Variants in NLGN1 observed in about 807,000 individuals in gnomAD.
The protein encoded by NLGN1 is neuroligin-1.
NLGN1 carries 12 observed loss-of-function variants against 65.5 expected under a neutral mutation model. That is an observed-to-expected ratio of 0.18 (90% CI 0.12 to 0.30). The LOEUF (loss-of-function observed/expected upper bound fraction) is 0.30. NLGN1 is among the 10% of genes least tolerant of loss of function. NLGN1 has a pLI of 1.00. For synonymous variants in NLGN1, 350 were observed against 359.5 expected (o/e 0.97, Z 0.30); for missense variants, 750 against 1,007.1 (o/e 0.74, Z 3.46).
chr3:173,503,088 G>C (rs1186923344), intron 2 of NLGN1, among the ~76,000 whole-genome samples: 1 of 151,912 alleles, frequency 6.6e-6, no homozygotes, highest in Admixed American at 6.6e-5. Context: ...CATGTTGTGT[G>C]TGTGTGTGTG....
chr3:173,532,365 G>A (rs1190513479), intron 2 of NLGN1, among the ~76,000 whole-genome samples: 3 of 152,190 alleles, frequency 2.0e-5, no homozygotes, highest in South Asian at 2.1e-4. Context: ...GATTGGAAAT[G>A]TAAAGGATAA....
intron 4 of NLGN1, among the ~76,000 whole-genome samples, chr3:174,053,286 T>G (rs1735319228): frequency 6.6e-6 from 1 of 151,922 alleles, no homozygotes; most frequent in Admixed American, 6.6e-5. Flanking sequence ...CTCAGGACTG[T>G]TATGATAATT....
intron 2 of NLGN1, among the ~76,000 whole-genome samples, chr3:173,602,871 A>T (rs1750768533): frequency 6.6e-6 from 1 of 152,094 alleles, no homozygotes; most frequent in South Asian, 2.1e-4. Context: ...GATAAATGCT[A>T]GAGTTCTGGA....
chr3:174,268,439 G>A lies in NLGN1; in HGVS notation c.647-6876G>A, dbSNP rs575130729. Among the ~76,000 whole-genome samples the A allele has an allele frequency of 7.9e-5, 12 of 152,106 alleles. No individual in the cohort carries two copies. The South Asian group carries it at 8.3e-4, about 10-fold the overall frequency. ...TGAAGAATATGTGGTTGGTGATGGG[G>A]ACTGGAGCTGGGGGTTACTTTCTCC... On this transcript the variant is annotated intron_variant, in intron 4 of 6. Transcript: ENST00000457714.
chr3:173,854,702 C>T (rs1426592763), intron 4 of NLGN1, among the ~76,000 whole-genome samples: 1 of 151,964 alleles, frequency 6.6e-6, no homozygotes, highest in Non-Finnish European at 1.5e-5. Context: ...CATTAATGGT[C>T]ATATTTATTG....
intron 3 of NLGN1, among the ~76,000 whole-genome samples, chr3:173,674,045 C>G (rs1248711027): frequency 6.6e-6 from 1 of 152,112 alleles, no homozygotes; most frequent in Non-Finnish European, 1.5e-5. Flanking sequence ...TATTTCCTGT[C>G]ATAGCTGAAG....
At chr3:173,870,442 C>T (rs1730957999) in intron 4 of NLGN1, among the ~76,000 whole-genome samples, 1 of 152,098 alleles carries the variant, frequency 6.6e-6, no homozygotes, top group South Asian at 2.1e-4. Flanking sequence ...GAAAAGCAAA[C>T]AGGGCCTGGA....
chr3:173,774,308 A>C (rs1440692472), intron 3 of NLGN1, among the ~76,000 whole-genome samples: 1 of 152,166 alleles, frequency 6.6e-6, no homozygotes, highest in African/African-American at 2.4e-5. Context: ...GTAAAATGTA[A>C]GTGGGGGAAG....
At chr3:173,767,673 G>C (rs1168394809) in intron 3 of NLGN1, among the ~76,000 whole-genome samples, 1 of 151,950 alleles carries the variant, frequency 6.6e-6, no homozygotes. Flanking sequence ...ATTGTTTACT[G>C]TATAAGTACA....
At chr3:173,761,604 T>C (rs1170472843) in intron 3 of NLGN1, among the ~76,000 whole-genome samples, 1 of 152,064 alleles carries the variant, frequency 6.6e-6, no homozygotes, top group African/African-American at 2.4e-5. Context: ...TCTTATTAAA[T>C]AGACCATAAT....
intron 3 of NLGN1, among the ~76,000 whole-genome samples, chr3:173,620,569 A>G (rs1693641481): frequency 6.6e-6 from 1 of 152,164 alleles, no homozygotes; most frequent in African/African-American, 2.4e-5. Flanking sequence ...GAAAGGCACC[A>G]GAAAATAAAC....
At chr3:173,678,168 G>A (rs1280815590) in intron 3 of NLGN1, among the ~76,000 whole-genome samples, 1 of 151,936 alleles carries the variant, frequency 6.6e-6, no homozygotes, top group Non-Finnish European at 1.5e-5. Flanking sequence ...ATGTGACAAG[G>A]GCAGTTTATT....
intron 4 of NLGN1, among the ~76,000 whole-genome samples, chr3:173,971,369 G>A (rs1716191525): frequency 6.6e-6 from 1 of 152,028 alleles, no homozygotes; most frequent in African/African-American, 2.4e-5. Context: ...AGTGGAATAG[G>A]AAGTGATTGA....
chr3:173,798,445 A>G (rs143351779), intron 3 of NLGN1, among the ~76,000 whole-genome samples: 135 of 152,254 alleles, frequency 8.9e-4, no homozygotes, highest in Middle Eastern at 3.4e-3. Flanking sequence ...TATTTTAAAT[A>G]TAATATTCTG....
the NLGN1 span, among the ~76,000 whole-genome samples, chr3:174,292,072 G>A: frequency 4.6e-5 from 7 of 151,162 alleles, no homozygotes; most frequent in Non-Finnish European, 8.9e-5. Context: ...CATCTCCACC[G>A]TCTTTGAGAA....
chr3:173,807,945 T>C, intron 4 of NLGN1, 113 bp downstream of exon 4: 1 of 1,060,694 alleles, frequency 9.4e-7, no homozygotes, highest in South Asian at 1.4e-5. Flanking sequence ...TTATGCGTGT[T>C]GACATTCTCG....
At position 174,279,413 on chromosome 3, in the gene NLGN1, C is replaced by T. The variant is rs781444177; in HGVS notation, c.1412C>T (p.Ala471Val). 1.2e-6 allele frequency: 2 copies of T among 1,613,138 alleles called. No homozygotes were observed. The highest frequency in any genetic ancestry group is 1.7e-5 in the Admixed American group (1 of 59,880). The change falls in exon 6 of 7, where the codon GCC becomes GTC. Residue 471 changes from alanine (A) to valine (V), a missense_variant. By Grantham distance (64) the Ala-to-Val change is moderately conservative. Coordinates refer to ENST00000457714, the Ensembl canonical transcript of NLGN1. This position sits in a 1 kb window ranked among gnomAD's most constrained non-coding sequence, Gnocchi z 4.7. ...CATCAGTGGGTGGCACCAGCTGTAG[C>T]CACAGCGGATCTTCACTCAAACTTT...
chr3:173,698,394 G>A (rs1766565733), intron 3 of NLGN1, among the ~76,000 whole-genome samples: 1 of 152,144 alleles, frequency 6.6e-6, no homozygotes, highest in South Asian at 2.1e-4. Context: ...TCACTGATGA[G>A]AGATAACAGA....
At chr3:174,187,362 A>AT (rs1158716564) in intron 4 of NLGN1, among the ~76,000 whole-genome samples, 1 of 152,020 alleles carries the variant, frequency 6.6e-6, no homozygotes, top group Non-Finnish European at 1.5e-5. Flanking sequence ...TCTCTGGATT[A>AT]TTGACTTATA....
Sources: gnomAD v4.1 joint callset for allele counts (sites outside exome capture counted in the v4.1 genomes callset) on GRCh38, gnomAD v4.1.1 for gene constraint, Gnocchi (gnomAD v3.1) non-coding constraint, MANE v1.5 for transcripts, NCBI Gene and HGNC (gene_info 2026-07-23, HGNC 2026-07-21) for gene names.